Variants in RAPGEF1 observed in about 807,000 individuals in gnomAD.
The protein encoded by RAPGEF1 is Rap guanine nucleotide exchange factor 1.
Under a neutral mutation model 143.3 loss-of-function variants are expected in RAPGEF1, and 33 were observed. The observed-to-expected ratio is 0.23, with a 90% CI of 0.17 to 0.31. The LOEUF (loss-of-function observed/expected upper bound fraction) is 0.31. Ranked by LOEUF, RAPGEF1 falls within the 10% of genes least tolerant of loss-of-function variation. The pLI is 1.00. For missense variants in RAPGEF1, 1,199 were observed against 1,645.4 expected, an observed-to-expected ratio of 0.73 and a Z score of 4.69; for synonymous variants, 629 against 676.5, an observed-to-expected ratio of 0.93 and a Z score of 1.09.
chr9:131,648,706 TCTTG>T (rs139009689), intron 3 of RAPGEF1, among the ~76,000 whole-genome samples: 18 of 152,362 alleles, frequency 1.2e-4, no homozygotes, highest in South Asian at 1.0e-3. Context: ...ACTGTTTCCC[TCTTG>T]CTTGTCAGTC....
chr9:131,584,398 C>T lies in RAPGEF1; in HGVS notation c.3327G>A (p.Leu1109=). Residue 1109 remains leucine, a synonymous_variant, in exon 24 of 27, where the codon CTG becomes CTA. Coordinates refer to ENST00000683357, the MANE Select transcript of RAPGEF1 (RefSeq NM_001377935.1). The surrounding 1 kb of genome is among the most constrained non-coding windows in gnomAD (Gnocchi z 6.8). ...FIKIMKHLRK[L]NNFNSYLAIL... ...TGGCCAAGTAGGAGTTGAAGTTATT[C>T]AGCTTCCGCAAGTGCTGCCGAGAGA... 2 of 1,613,896 alleles carry T rather than the reference C, an allele frequency of 1.2e-6. No homozygotes were observed. The highest frequency in any genetic ancestry group is 1.1e-5 in the South Asian group (1 of 91,084).
chr9:131,606,908 A>G (rs1435098008), intron 12 of RAPGEF1, among the ~76,000 whole-genome samples: 2 of 152,200 alleles, frequency 1.3e-5, no homozygotes, highest in African/African-American at 2.4e-5. Context: ...TACAGGGATC[A>G]GCCACCATTC....
chr9:131,682,667 A>T (rs751445751), intron 1 of RAPGEF1, among the ~76,000 whole-genome samples: 3 of 152,196 alleles, frequency 2.0e-5, no homozygotes, highest in Non-Finnish European at 2.9e-5. Context: ...ATTGTGCCGT[A>T]TGGGGGAATG....
At position 131,710,262 on chromosome 9, in the gene RAPGEF1, G is replaced by T. The variant is rs1193751733; in HGVS notation, c.61+29508C>A. On this transcript the variant is annotated intron_variant, in intron 1 of 26. Transcript: ENST00000683357. The stretch of plus-strand genomic sequence containing the variant: ...TTTCACTAATGCTGTGTTTCCAAGG[G>T]AAACACAAAACGAAACAAAACATCA... 2.0e-5 allele frequency among the ~76,000 whole-genome samples: 3 copies of T among 152,040 alleles called. No homozygotes were observed. In the East Asian group the frequency reaches 5.8e-4, roughly 29 times the overall value.
chr9:131,584,475 G>A lies in RAPGEF1; in HGVS notation c.3312+43C>T. On this transcript the variant is annotated intron_variant, in intron 23 of 26. Coordinates refer to ENST00000683357, the MANE Select transcript of RAPGEF1 (RefSeq NM_001377935.1). This position sits in a 1 kb window ranked among gnomAD's most constrained non-coding sequence, Gnocchi z 6.8. ...AGGCGGGTCCCGGGCTCCCAGAGCA[G>A]GGACTGATGATGGGGGCCTGGGAAG... 5 of 1,613,110 alleles carry A rather than the reference G, an allele frequency of 3.1e-6. No homozygotes were observed. Among genetic ancestry groups the A allele is most frequent in the South Asian group, 1.1e-5 (1 of 91,062 alleles).
intron 1 of RAPGEF1, chr9:131,709,738 C>T: frequency 6.2e-7 from 1 of 1,612,060 alleles, no homozygotes. Context: ...TCCGGAGCAG[C>T]AACTGAGGAC....
intron 1 of RAPGEF1, among the ~76,000 whole-genome samples, chr9:131,683,759 G>C (rs1031996777): frequency 6.6e-6 from 1 of 152,178 alleles, no homozygotes; most frequent in African/African-American, 2.4e-5. Flanking sequence ...CTGTAATTGA[G>C]GTATTGACTG....
intron 1 of RAPGEF1, among the ~76,000 whole-genome samples, chr9:131,651,418 T>C (rs1971052352): frequency 6.6e-6 from 1 of 152,178 alleles, no homozygotes; most frequent in African/African-American, 2.4e-5. Context: ...AAGTAAGGTG[T>C]TCAAAATCCT....
At chr9:131,737,267 G>A in intron 1 of RAPGEF1, 2 of 1,404,410 alleles carry the variant, frequency 1.4e-6, no homozygotes, top group Admixed American at 3.5e-5. Flanking sequence ...CGCAGCTCCT[G>A]GTCAGCCCCT....
chr9:131,709,134 GT>G (rs1835317744), intron 1 of RAPGEF1, among the ~76,000 whole-genome samples: 1 of 152,166 alleles, frequency 6.6e-6, no homozygotes, highest in African/African-American at 2.4e-5. Context: ...GGGTCATGAG[GT>G]CAGGAGTTCA....
intron 15 of RAPGEF1, chr9:131,598,693 TC>T (rs1955731377): frequency 2.5e-6 from 1 of 394,028 alleles, no homozygotes; most frequent in African/African-American, 2.1e-5. Context: ...TTGAGGCTGC[TC>T]CCCAAGTCTT....
intron 18 of RAPGEF1, among the ~76,000 whole-genome samples, chr9:131,591,151 C>T (rs1028351774): frequency 3.3e-5 from 5 of 152,330 alleles, no homozygotes; most frequent in East Asian, 3.9e-4. Flanking sequence ...GCCGGGGACC[C>T]GAGGCTCCGC....
chr9:131,735,317 C>T (rs1161591202), intron 1 of RAPGEF1, among the ~76,000 whole-genome samples: 3 of 152,238 alleles, frequency 2.0e-5, no homozygotes, highest in African/African-American at 7.2e-5. Context: ...TGGTCCCCTA[C>T]CCCACTGCCT....
chr9:131,596,822 C>G (rs1000399677), intron 16 of RAPGEF1, among the ~76,000 whole-genome samples: 11 of 152,206 alleles, frequency 7.2e-5, no homozygotes, highest in African/African-American at 2.4e-4. Context: ...TCATGTTCCC[C>G]AAAACTGCAG....
intron 18 of RAPGEF1, among the ~76,000 whole-genome samples, chr9:131,591,778 C>T (rs961004045): frequency 5.9e-5 from 9 of 152,240 alleles, no homozygotes; most frequent in Non-Finnish European, 1.2e-4. Context: ...CCCTCCCAGT[C>T]TGGGGCATGT....
At chr9:131,684,700 C>T (rs543444445) in intron 1 of RAPGEF1, among the ~76,000 whole-genome samples, 1 of 152,128 alleles carries the variant, frequency 6.6e-6, no homozygotes, top group Non-Finnish European at 1.5e-5. Context: ...GATCCGATAA[C>T]AAAAAGTTGG....
intron 10 of RAPGEF1, among the ~76,000 whole-genome samples, chr9:131,623,927 C>A (rs1962099631): frequency 6.6e-6 from 1 of 152,194 alleles, no homozygotes; most frequent in South Asian, 2.1e-4. Flanking sequence ...GCATTTTCCA[C>A]AAGGTCACCT....
chr9:131,730,335 A>G (rs1836964582), intron 1 of RAPGEF1, among the ~76,000 whole-genome samples: 1 of 152,134 alleles, frequency 6.6e-6, no homozygotes, highest in Non-Finnish European at 1.5e-5. Context: ...AAAATCATCA[A>G]CAAAACAAGC....
chr9:131,622,017 A>G lies in RAPGEF1; in HGVS notation c.1703-19T>C. 6.2e-7 allele frequency: 1 copy of G among 1,606,536 alleles called. No homozygotes were observed. The highest frequency in any genetic ancestry group is 8.5e-7 in the Non-Finnish European group (1 of 1,176,240). On this transcript the variant is annotated intron_variant, in intron 10 of 26. Transcript: ENST00000683357. ...GCCAGCACTGTGAAACAAGGGAGAAAGCTGCAGCGAGGCCGGGGGAGGCCA... is the reference window on the plus strand; with the variant it reads ...GCCAGCACTGTGAAACAAGGGAGAAGGCTGCAGCGAGGCCGGGGGAGGCCA...
Sources: gnomAD v4.1 joint callset for allele counts (sites outside exome capture counted in the v4.1 genomes callset) on GRCh38, gnomAD v4.1.1 for gene constraint, Gnocchi (gnomAD v3.1) non-coding constraint, MANE v1.5 for transcripts, NCBI Gene and HGNC (gene_info 2026-07-23, HGNC 2026-07-21) for gene names.